Variants in CADM2 observed in about 807,000 individuals in gnomAD.
CADM2 encodes immunoglobulin superfamily member 4D.
A neutral mutation model predicts 49.8 loss-of-function variants in CADM2; 12 were observed. The observed-to-expected ratio is 0.24, with a 90% CI of 0.15 to 0.39. CADM2 has a LOEUF of 0.39. Among genes scored for constraint, CADM2 ranks in the 10% least tolerant of loss-of-function variants. CADM2 has a pLI of 1.00. For missense variants in CADM2, 378 were observed against 492.3 expected (o/e 0.77, Z 2.20); for synonymous variants, 214 against 175.4 (o/e 1.22, Z -1.74).
chr3:85,114,672 G>C (rs1197239042), intron 1 of CADM2, among the ~76,000 whole-genome samples: 1 of 152,080 alleles, frequency 6.6e-6, no homozygotes, highest in Non-Finnish European at 1.5e-5. Flanking sequence ...GTGCGAGATA[G>C]GTTTGTGTTT....
intron 1 of CADM2, among the ~76,000 whole-genome samples, chr3:85,380,364 T>C (rs1425014910): frequency 1.3e-5 from 2 of 151,948 alleles, no homozygotes; most frequent in Non-Finnish European, 2.9e-5. Context: ...CATGTAAATT[T>C]AAGGCTAAAA....
chr3:85,846,562 A>G (rs1327970491), intron 3 of CADM2, among the ~76,000 whole-genome samples: 1 of 152,184 alleles, frequency 6.6e-6, no homozygotes, highest in African/African-American at 2.4e-5. Flanking sequence ...TTAAGCAAAA[A>G]TTAAAATATA....
chr3:86,061,180 T>C (rs1738595115), intron 8 of CADM2, among the ~76,000 whole-genome samples: 1 of 152,118 alleles, frequency 6.6e-6, no homozygotes, highest in Admixed American at 6.6e-5. Flanking sequence ...ATGCTGATTA[T>C]GTATAATACA....
At chr3:85,322,364 C>T (rs2044637527) in intron 1 of CADM2, among the ~76,000 whole-genome samples, 1 of 152,112 alleles carries the variant, frequency 6.6e-6, no homozygotes, top group Non-Finnish European at 1.5e-5. Flanking sequence ...AAACCTAGGG[C>T]ATGGGTTTCA....
intron 1 of CADM2, among the ~76,000 whole-genome samples, chr3:85,636,038 CT>C: frequency 6.6e-6 from 1 of 152,244 alleles, no homozygotes; most frequent in African/African-American, 2.4e-5. Flanking sequence ...TAATACAAGG[CT>C]ATGTTACCAG....
chr3:85,596,788 C>G (rs1333250870), intron 1 of CADM2, among the ~76,000 whole-genome samples: 1 of 152,080 alleles, frequency 6.6e-6, no homozygotes. Flanking sequence ...CCGATCTTAA[C>G]TCAATTAAAC....
At chr3:84,997,132 A>G (rs1047045470) in intron 1 of CADM2, among the ~76,000 whole-genome samples, 1 of 152,124 alleles carries the variant, frequency 6.6e-6, no homozygotes, top group Non-Finnish European at 1.5e-5. Flanking sequence ...TGTTTAGAAG[A>G]TACACTGTGC....
intron 1 of CADM2, among the ~76,000 whole-genome samples, chr3:85,315,946 G>A (rs1559775510): frequency 1.3e-5 from 2 of 152,162 alleles, no homozygotes. Context: ...AGCACATCAA[G>A]AAGGAAGACA....
At chr3:85,266,127 G>A (rs1370060928) in intron 1 of CADM2, among the ~76,000 whole-genome samples, 1 of 151,878 alleles carries the variant, frequency 6.6e-6, no homozygotes, top group East Asian at 1.9e-4. Context: ...TCTGTTACCT[G>A]TCTGTAGGTG....
chr3:85,899,297 A>G (rs1715773569), intron 5 of CADM2, among the ~76,000 whole-genome samples: 3 of 152,054 alleles, frequency 2.0e-5, no homozygotes, highest in Non-Finnish European at 4.4e-5. Context: ...TTTATGAATC[A>G]TGCTTTAGTT....
chr3:85,963,603 C>A (rs1725109384), intron 8 of CADM2, among the ~76,000 whole-genome samples: 1 of 151,524 alleles, frequency 6.6e-6, no homozygotes, highest in Non-Finnish European at 1.5e-5. Flanking sequence ...GTGTCAAAAG[C>A]AATATGACAT....
intron 1 of CADM2, among the ~76,000 whole-genome samples, chr3:85,699,787 T>G (rs549404102): frequency 6.6e-6 from 1 of 152,368 alleles, no homozygotes; most frequent in African/African-American, 2.4e-5. Flanking sequence ...CCCCATTTTC[T>G]GTGCTATTAG....
intron 1 of CADM2, among the ~76,000 whole-genome samples, chr3:85,129,399 G>A (rs1467175771): frequency 6.6e-6 from 1 of 151,658 alleles, no homozygotes; most frequent in Non-Finnish European, 1.5e-5. Flanking sequence ...TTTTGTGTAG[G>A]CAATTGTGTA....
chr3:85,303,940 C>A (rs1267049233), intron 1 of CADM2, among the ~76,000 whole-genome samples: 1 of 151,884 alleles, frequency 6.6e-6, no homozygotes, highest in Non-Finnish European at 1.5e-5. Context: ...TTACCAAAAT[C>A]TTTAGGTCTT....
At chr3:85,490,864 G>A (rs1167409079) in intron 1 of CADM2, among the ~76,000 whole-genome samples, 1 of 151,210 alleles carries the variant, frequency 6.6e-6, no homozygotes, top group Non-Finnish European at 1.5e-5. Flanking sequence ...AAAAAAAGTA[G>A]TACAAATATT....
intron 8 of CADM2, among the ~76,000 whole-genome samples, chr3:86,028,646 C>T (rs925947911): frequency 2.6e-5 from 4 of 152,168 alleles, no homozygotes; most frequent in African/African-American, 9.6e-5. Flanking sequence ...ACTAAATTAC[C>T]TCCTGTTACT....
At chr3:85,601,220 A>G (rs1384350807) in intron 1 of CADM2, among the ~76,000 whole-genome samples, 1 of 145,500 alleles carries the variant, frequency 6.9e-6, no homozygotes, top group East Asian at 2.1e-4. Flanking sequence ...AGTGGAATAC[A>G]TGAGGAATGA....
intron 1 of CADM2, among the ~76,000 whole-genome samples, chr3:85,235,478 G>A (rs1452126): frequency 0.095 from 14,505 of 152,046 alleles, 859 homozygotes; most frequent in African/African-American, 0.17. Flanking sequence ...GTATTTTGAT[G>A]CAAGAATTAA....
At chr3:85,789,718 T>G (rs2071214269) in intron 2 of CADM2, among the ~76,000 whole-genome samples, 1 of 152,158 alleles carries the variant, frequency 6.6e-6, no homozygotes, top group Non-Finnish European at 1.5e-5. Context: ...TAAATATGGA[T>G]AAATTAATAA....
Sources: allele counts gnomAD v4.1 joint callset (sites outside exome capture counted in the v4.1 genomes callset), GRCh38; gene constraint gnomAD v4.1.1; transcripts MANE v1.5; gene names NCBI Gene and HGNC (gene_info 2026-07-23, HGNC 2026-07-21).